Variants in CNTNAP5 observed in about 807,000 individuals in gnomAD.
CNTNAP5 encodes contactin-associated protein-like 5.
In CNTNAP5, 72 loss-of-function variants were observed where a neutral mutation model predicts 150.2. The ratio of observed to expected loss-of-function variants is 0.48; its 90% CI spans 0.40 to 0.58. CNTNAP5 has a LOEUF of 0.58. CNTNAP5 is among the 20% of genes least tolerant of loss of function. CNTNAP5 has a pLI of 0.00. For missense variants in CNTNAP5, 1,636 were observed against 1,626.2 expected, an observed-to-expected ratio of 1.01 and a Z score of -0.10; for synonymous variants, 672 against 619.8, an observed-to-expected ratio of 1.08 and a Z score of -1.25.
intron 3 of CNTNAP5, among the ~76,000 whole-genome samples, chr2:124,334,266 G>T (rs2104683817): frequency 6.6e-6 from 1 of 152,258 alleles, no homozygotes; most frequent in East Asian, 1.9e-4. Flanking sequence ...CCAAATGGAG[G>T]AGGTAGAAGC....
At chr2:124,567,065 A>C (rs1389641671) in intron 11 of CNTNAP5, among the ~76,000 whole-genome samples, 2 of 152,208 alleles carry the variant, frequency 1.3e-5, no homozygotes, top group Non-Finnish European at 1.5e-5. Context: ...GTATTCTCTT[A>C]GTTTTGTCAA....
chr2:124,610,320 G>A (rs1677352369), intron 12 of CNTNAP5, among the ~76,000 whole-genome samples: 1 of 152,100 alleles, frequency 6.6e-6, no homozygotes. Context: ...TGGCCCCAAG[G>A]GATGCATGAC....
intron 3 of CNTNAP5, among the ~76,000 whole-genome samples, chr2:124,247,131 T>TCTGGGA (rs1687050852): frequency 6.6e-6 from 1 of 152,206 alleles, no homozygotes. Flanking sequence ...AGATGCTCTC[T>TCTGGGA]GATCTTCATG....
intron 2 of CNTNAP5, among the ~76,000 whole-genome samples, chr2:124,235,971 ATTT>A (rs2104758952): frequency 6.6e-6 from 1 of 150,682 alleles, no homozygotes; most frequent in Admixed American, 6.6e-5. Flanking sequence ...TTATTTATTT[ATTT>A]ATTTATTTAG....
chr2:124,372,657 C>T (rs1350618529), intron 3 of CNTNAP5, among the ~76,000 whole-genome samples: 1 of 152,044 alleles, frequency 6.6e-6, no homozygotes. Context: ...CTGAAGCTAT[C>T]ATAGAATTAC....
rs1240804678 is a variant in CNTNAP5 at position 124,603,284 on chromosome 2, G to A, written c.1757-6517G>A. ...CATGTGGGCCTCTTTCTGTAAATTG[G>A]TGTTTAGATCTTGGGGCTCGAATAC... On this transcript the variant is annotated intron_variant, in intron 11 of 23. Coordinates refer to ENST00000682447, the MANE Select transcript of CNTNAP5 (RefSeq NM_001367498.1). Among the ~76,000 whole-genome samples, 12 of 152,164 alleles carry A rather than the reference G, an allele frequency of 7.9e-5. No homozygotes were observed. In the East Asian group the frequency reaches 2.1e-3, roughly 27 times the overall value.
intron 1 of CNTNAP5, among the ~76,000 whole-genome samples, chr2:124,056,187 T>C (rs1200501980): frequency 6.6e-6 from 1 of 152,224 alleles, no homozygotes; most frequent in East Asian, 1.9e-4. Context: ...GGATACAAGT[T>C]CGCTGATTAT....
intron 3 of CNTNAP5, among the ~76,000 whole-genome samples, chr2:124,295,151 A>G (rs200484317): frequency 1.5e-5 from 2 of 136,292 alleles, no homozygotes; most frequent in Admixed American, 7.5e-5. Context: ...CAAACAAACA[A>G]ACAGACAAAC....
chr2:124,609,279 T>C (rs111907733), intron 11 of CNTNAP5, among the ~76,000 whole-genome samples: 29 of 152,250 alleles, frequency 1.9e-4, no homozygotes, highest in African/African-American at 6.0e-4. Context: ...TTTAAAAGAA[T>C]GAATGAATTT....
intron 16 of CNTNAP5, 86 bp from the exon 17 acceptor site, chr2:124,772,713 C>T: frequency 1.0e-6 from 1 of 969,280 alleles, no homozygotes; most frequent in Non-Finnish European, 1.7e-6. Context: ...TTGATACTGA[C>T]TTACAATCGT....
intron 13 of CNTNAP5, among the ~76,000 whole-genome samples, chr2:124,706,534 G>T (rs1679640146): frequency 6.6e-6 from 1 of 151,904 alleles, no homozygotes; most frequent in Admixed American, 6.6e-5. Context: ...ATCACTTGAG[G>T]TCAGGAGTTC....
chr2:124,799,955 G>A (rs1477552413), intron 19 of CNTNAP5, among the ~76,000 whole-genome samples: 1 of 152,180 alleles, frequency 6.6e-6, no homozygotes. Flanking sequence ...AATTAGATCT[G>A]TTTATCAATA....
At chr2:124,457,650 G>A (rs765370293) in intron 6 of CNTNAP5, among the ~76,000 whole-genome samples, 6 of 151,980 alleles carry the variant, frequency 3.9e-5, no homozygotes, top group South Asian at 4.2e-4. Flanking sequence ...AACCCATCAC[G>A]AAGATATTAA....
intron 1 of CNTNAP5, among the ~76,000 whole-genome samples, chr2:124,042,825 T>G (rs1184276315): frequency 1.3e-5 from 2 of 150,992 alleles, no homozygotes; most frequent in African/African-American, 4.9e-5. Context: ...TATCTATCTA[T>G]CTATCATCTA....
rs187425564 is a variant in CNTNAP5 at position 124,909,364 on chromosome 2, A to G, written c.3656-2103A>G. 2.5e-3 allele frequency among the ~76,000 whole-genome samples: 388 copies of G among 152,276 alleles called. 1 individual carries two copies. Among genetic ancestry groups the G allele is most frequent in the Non-Finnish European group, 2.7e-3 (187 of 68,004 alleles). On this transcript the variant is annotated intron_variant, in intron 22 of 23. Transcript: ENST00000682447. ...GCCTGGGGGCAATAGTCTATACTAC[A>G]TGTACAGCCTAGGTGTGTCATAGGC... is the stretch of plus-strand genomic sequence containing the variant.
chr2:124,259,596 C>A (rs1380199095), intron 3 of CNTNAP5, among the ~76,000 whole-genome samples: 2 of 152,178 alleles, frequency 1.3e-5, no homozygotes, highest in African/African-American at 4.8e-5. Context: ...ATTTGCATTT[C>A]TCTGATGGCC....
At chr2:124,476,486 T>C (rs1371020200) in intron 7 of CNTNAP5, among the ~76,000 whole-genome samples, 2 of 152,072 alleles carry the variant, frequency 1.3e-5, no homozygotes, top group Admixed American at 6.6e-5. Context: ...CACTGGAATG[T>C]GATGAAAGTC....
intron 1 of CNTNAP5, among the ~76,000 whole-genome samples, chr2:124,037,564 A>C (rs567710112): frequency 6.6e-6 from 1 of 152,356 alleles, no homozygotes; most frequent in Admixed American, 6.5e-5. Context: ...CATTATGTCA[A>C]GTGAAACAAG....
intron 12 of CNTNAP5, among the ~76,000 whole-genome samples, chr2:124,620,399 A>G (rs1677586414): frequency 6.6e-6 from 1 of 152,104 alleles, no homozygotes; most frequent in South Asian, 2.1e-4. Flanking sequence ...TATAAGTCCA[A>G]GAGTACAGAG....
Sources: gnomAD v4.1 joint callset for allele counts (sites outside exome capture counted in the v4.1 genomes callset) on GRCh38, gnomAD v4.1.1 for gene constraint, MANE v1.5 for transcripts, NCBI Gene and HGNC (gene_info 2026-07-23, HGNC 2026-07-21) for gene names.